Variants in CRISPLD2 observed in about 807,000 individuals in gnomAD.
The protein encoded by CRISPLD2 is cysteine rich secretory protein LCCL domain containing 2.
In CRISPLD2, 47 loss-of-function variants were observed where a neutral mutation model predicts 71.1. The ratio of observed to expected loss-of-function variants is 0.66; its 90% CI spans 0.52 to 0.84. The LOEUF is 0.84. Among genes scored for constraint, CRISPLD2 ranks in the 40% least tolerant of loss-of-function variants. The probability of loss-of-function intolerance (pLI) is 0.00; values close to 1 mark genes in which losing one functional copy is unlikely to be tolerated. For synonymous variants in CRISPLD2, 317 were observed against 250.1 expected, an observed-to-expected ratio of 1.27 and a Z score of -2.52; for missense variants, 830 against 651.1, an observed-to-expected ratio of 1.27 and a Z score of -2.99.
At chr16:84,887,507 G>A (rs948555446) in intron 13 of CRISPLD2, among the ~76,000 whole-genome samples, 2 of 152,228 alleles carry the variant, frequency 1.3e-5, no homozygotes, top group Non-Finnish European at 2.9e-5. Context: ...GACTGATCAG[G>A]CGAGTCCGTG....
chr16:84,835,411 G>T (rs11149690), intron 1 of CRISPLD2, among the ~76,000 whole-genome samples: 70,060 of 151,958 alleles, frequency 0.46, 16,584 homozygotes, highest in Admixed American at 0.55. Flanking sequence ...CTCAAAATCT[G>T]CTGTGTTCTC....
intron 1 of CRISPLD2, among the ~76,000 whole-genome samples, chr16:84,827,145 C>G (rs1434536725): frequency 6.6e-6 from 1 of 151,732 alleles, no homozygotes; most frequent in Non-Finnish European, 1.5e-5. Flanking sequence ...CCGCACCCCC[C>G]AAGGTAGTCA....
chr16:84,901,039 A>T (rs1047150467), intron 14 of CRISPLD2, among the ~76,000 whole-genome samples: 31 of 145,356 alleles, frequency 2.1e-4, no homozygotes, highest in African/African-American at 6.7e-4. Context: ...ACACACACAC[A>T]CACACGCAAA....
At chr16:84,851,707 G>A (rs1373909532) in intron 5 of CRISPLD2, among the ~76,000 whole-genome samples, 1 of 152,186 alleles carries the variant, frequency 6.6e-6, no homozygotes, top group Non-Finnish European at 1.5e-5. Context: ...GCAGCAGACT[G>A]GTCCAAGGTG....
intron 14 of CRISPLD2, among the ~76,000 whole-genome samples, chr16:84,895,899 A>T (rs1008380531): frequency 1.3e-5 from 2 of 152,158 alleles, no homozygotes; most frequent in South Asian, 2.1e-4. Flanking sequence ...CAGTTTACAG[A>T]TGGGGAAACT....
intron 8 of CRISPLD2, among the ~76,000 whole-genome samples, chr16:84,871,354 G>A (rs924713086): frequency 1.3e-5 from 2 of 152,002 alleles, no homozygotes; most frequent in Non-Finnish European, 2.9e-5. Flanking sequence ...CCAGGAGTTC[G>A]AAACCAGCCT....
In CRISPLD2 at chr16:84,873,370, C is replaced by G. The variant is rs1233437998; in HGVS notation, c.1112+248C>G. 3 of 285,158 alleles carry G rather than the reference C, an allele frequency of 1.1e-5. No homozygotes were observed. In the South Asian group the frequency reaches 1.4e-4, roughly 13 times the overall value. 17.7% of individuals were successfully genotyped at this position (285,158 alleles called of 1,614,324 possible). A position where few individuals can be genotyped will look rare whatever the true frequency, so the allele number is the denominator to read the frequency against. ...GCAGGCACCTGTAATCCCAGCTACT[C>G]TCAGGAGGCTACGGCAGAAGAACCG... On this transcript the variant is annotated intron_variant, in intron 10 of 14. Transcript: ENST00000262424.
chr16:84,851,680 G>A (rs925576415), intron 5 of CRISPLD2, among the ~76,000 whole-genome samples: 5 of 152,210 alleles, frequency 3.3e-5, no homozygotes, highest in Admixed American at 6.5e-5. Flanking sequence ...TGGGAGGGAC[G>A]CAGGCACCAT....
At position 84,880,657 on chromosome 16, in the gene CRISPLD2, T is replaced by A. The variant is rs551802455; in HGVS notation, c.1305+73T>A. On this transcript the variant is annotated intron_variant, in intron 13 of 14. Coordinates refer to ENST00000262424, the MANE Select transcript of CRISPLD2 (RefSeq NM_031476.4). ...ACCTCAACATGCAAGCTCCAAGATC[T>A]GGATACTTGAAACTTTATTCCAGTG... The A allele has an allele frequency of 1.2e-5, 13 of 1,122,986 alleles. No individual in the cohort carries two copies. In the East Asian group the frequency reaches 3.1e-4, roughly 27 times the overall value. The allele number at this position is 1,122,986 out of a possible 1,614,324, so 69.6% of individuals were successfully genotyped here.
intron 6 of CRISPLD2, among the ~76,000 whole-genome samples, chr16:84,861,506 G>T (rs902995564): frequency 8.5e-5 from 13 of 152,174 alleles, no homozygotes; most frequent in African/African-American, 2.9e-4. Context: ...TAGGTTGAGA[G>T]GCTAAGGCAG....
intron 1 of CRISPLD2, chr16:84,836,371 C>G (rs1916619331): frequency 6.6e-6 from 1 of 152,084 alleles, no homozygotes; most frequent in Non-Finnish European, 1.5e-5. Flanking sequence ...TGTGACTAAC[C>G]TGAGAGAGAG....
Position 84,877,494 on chromosome 16 carries a change from G to A in CRISPLD2, c.1213G>A (p.Ala405Thr), listed in dbSNP as rs1315237312. 3 of 1,613,908 alleles carry A rather than the reference G, an allele frequency of 1.9e-6. No individual in the cohort carries two copies. The highest frequency in any genetic ancestry group is 2.5e-6 in the Non-Finnish European group (3 of 1,179,860). Reference sequence around the variant, plus strand: ...TCAGCTGTGCCCGTTTGAAAAGCCAGCAACTCACTGCCCAAGGTAAGGCGG... The same window carrying A: ...TCAGCTGTGCCCGTTTGAAAAGCCAACAACTCACTGCCCAAGGTAAGGCGG... ...VAQLCPFEKP[A>T]THCPRIHCPA... The change falls in exon 12 of 15, where the codon GCA becomes ACA. Residue 405 changes from alanine (A) to threonine (T), a missense_variant. Physicochemically the swap from Ala to Thr is moderately conservative, Grantham distance 58 (BLOSUM62 0). Transcript: ENST00000262424.
chr16:84,834,040 C>G (rs573838701), intron 1 of CRISPLD2, among the ~76,000 whole-genome samples: 36 of 152,192 alleles, frequency 2.4e-4, no homozygotes, highest in Non-Finnish European at 4.3e-4. Flanking sequence ...AAGGGCATAC[C>G]TGGGCCTCGA....
chr16:84,846,026 C>T (rs893150950), intron 3 of CRISPLD2, 122 bp downstream of exon 3: 5 of 609,442 alleles, frequency 8.2e-6, no homozygotes, highest in Admixed American at 3.1e-5. Flanking sequence ...CCCGTCCCAT[C>T]GATATTCTGG....
At chr16:84,868,185 C>G (rs756424810) in intron 7 of CRISPLD2, among the ~76,000 whole-genome samples, 7 of 152,252 alleles carry the variant, frequency 4.6e-5, no homozygotes, top group Non-Finnish European at 1.0e-4. Flanking sequence ...ACCTCTTTCC[C>G]TGTGATGCCG....
At chr16:84,878,081 G>A (rs1452301966) in intron 12 of CRISPLD2, among the ~76,000 whole-genome samples, 7 of 150,886 alleles carry the variant, frequency 4.6e-5, no homozygotes, top group Non-Finnish European at 1.0e-4. Flanking sequence ...AAAATTAGCC[G>A]GGCGTGGTGG....
intron 14 of CRISPLD2, among the ~76,000 whole-genome samples, chr16:84,901,013 GCACACACACA>G (rs3222775): frequency 0.01 from 1,440 of 140,176 alleles, 17 homozygotes; most frequent in South Asian, 0.038. Flanking sequence ...TGGTGTCACT[GCACACACACA>G]CACACACACA....
Position 84,904,911 on chromosome 16 carries a change from G to A in CRISPLD2, c.1440-1677G>A, listed in dbSNP as rs143949123. 5.6e-4 allele frequency among the ~76,000 whole-genome samples: 85 copies of A among 152,266 alleles called. No individual in the cohort carries two copies. In the East Asian group the frequency reaches 7.3e-3, roughly 13 times the overall value. On this transcript the variant is annotated intron_variant, in intron 14 of 14. Transcript: ENST00000262424. ...CCTTGGATGGTTTGCTAGATATGAC[G>A]CCAAAAGCACAATCTATAAATGAAA... is the stretch of plus-strand genomic sequence containing the variant.
chr16:84,835,236 A>G (rs1412325649), intron 1 of CRISPLD2, among the ~76,000 whole-genome samples: 1 of 152,136 alleles, frequency 6.6e-6, no homozygotes, highest in African/African-American at 2.4e-5. Context: ...GATTACAGGC[A>G]GGCGCCACCA....
Sources: gnomAD v4.1 joint callset for allele counts (sites outside exome capture counted in the v4.1 genomes callset) on GRCh38, gnomAD v4.1.1 for gene constraint, MANE v1.5 for transcripts, NCBI Gene and HGNC (gene_info 2026-07-23, HGNC 2026-07-21) for gene names.